Variants in GJB7 observed in about 807,000 individuals in gnomAD.
The protein encoded by GJB7 is gap junction beta-7 protein.
For missense variants in GJB7, 253 were observed against 256.8 expected, an observed-to-expected ratio of 0.99 and a Z score of 0.10; for synonymous variants, 87 against 95.2, an observed-to-expected ratio of 0.91 and a Z score of 0.50.
chr6:87,292,905 A>G (rs905449366), intron 2 of GJB7, among the ~76,000 whole-genome samples: 1 of 152,280 alleles, frequency 6.6e-6, no homozygotes, highest in African/African-American at 2.4e-5. Flanking sequence ...GTCCACATCC[A>G]CAAACCATGT....
intron 2 of GJB7, among the ~76,000 whole-genome samples, chr6:87,316,571 G>A (rs1776587522): frequency 6.6e-6 from 1 of 152,190 alleles, no homozygotes; most frequent in African/African-American, 2.4e-5. Context: ...TAGAAAGGAG[G>A]ACAACAGCTT....
chr6:87,304,281 C>G (rs1486627113), intron 2 of GJB7, among the ~76,000 whole-genome samples: 4 of 151,920 alleles, frequency 2.6e-5, no homozygotes, highest in Non-Finnish European at 4.4e-5. Context: ...AGACCGCTAG[C>G]AAGATTAACA....
chr6:87,315,835 G>C (rs1776571970), intron 2 of GJB7, among the ~76,000 whole-genome samples: 1 of 147,104 alleles, frequency 6.8e-6, no homozygotes, highest in African/African-American at 2.5e-5. Context: ...GAAAGAAACA[G>C]AATGGAGACA....
At chr6:87,311,150 A>G (rs1776508845) in intron 2 of GJB7, among the ~76,000 whole-genome samples, 1 of 152,226 alleles carries the variant, frequency 6.6e-6, no homozygotes, top group South Asian at 2.1e-4. Context: ...AAAGACTGAC[A>G]CTATTAAGTA....
rs1034191504 is a variant in GJB7, at chr6:87,314,815, G to A, written c.-28+8051C>T. On this transcript the variant is annotated intron_variant, in intron 2 of 2. Coordinates refer to ENST00000525899, the MANE Select transcript of GJB7 (RefSeq NM_198568.3). ...AATCCAGCTGTAAGCAAAACTTAAC[G>A]CATTTAGGAATGGAGCTTGCATGGA... 6.6e-5 allele frequency among the ~76,000 whole-genome samples: 10 copies of A among 152,294 alleles called. No homozygotes were observed. The East Asian group carries it at 1.2e-3, about 18-fold the overall frequency.
At chr6:87,297,083 C>T (rs1776256943) in intron 2 of GJB7, among the ~76,000 whole-genome samples, 1 of 152,214 alleles carries the variant, frequency 6.6e-6, no homozygotes, top group African/African-American at 2.4e-5. Context: ...TCTCTTTCTA[C>T]TGTAATTTTT....
chr6:87,301,416 G>A (rs151151126), intron 2 of GJB7, among the ~76,000 whole-genome samples: 21 of 152,270 alleles, frequency 1.4e-4, no homozygotes, highest in South Asian at 1.2e-3. Context: ...CCACACCCAC[G>A]GAGCCTCACT....
chr6:87,328,776 C>T (rs1468106072), intron 1 of GJB7, among the ~76,000 whole-genome samples: 1 of 152,188 alleles, frequency 6.6e-6, no homozygotes, highest in Non-Finnish European at 1.5e-5. Context: ...GTGGTGGGCT[C>T]CACCCAGTTC....
At chr6:87,290,034 T>A (rs982411141) in intron 2 of GJB7, among the ~76,000 whole-genome samples, 4 of 152,194 alleles carry the variant, frequency 2.6e-5, no homozygotes, top group African/African-American at 9.7e-5. Flanking sequence ...TTTCACCTCT[T>A]AGTAACAAAA....
intron 2 of GJB7, among the ~76,000 whole-genome samples, chr6:87,305,897 G>C (rs9688598): frequency 7.2e-4 from 109 of 152,248 alleles, no homozygotes; most frequent in African/African-American, 2.6e-3. Flanking sequence ...TCTGATCTTT[G>C]ACAAATCTGA....
In GJB7 at chr6:87,287,896, C is replaced by T. The variant is rs551886960; in HGVS notation, c.-27-2957G>A. On this transcript the variant is annotated intron_variant, in intron 2 of 2. Coordinates refer to ENST00000525899, the MANE Select transcript of GJB7 (RefSeq NM_198568.3). ...GACTTTTATTTTATAAATGTCCATC[C>T]TATTTTTTTAAAAAAATTTTTTTTC... Among the ~76,000 whole-genome samples, 15 of 152,196 alleles carry T rather than the reference C, an allele frequency of 9.9e-5. No homozygotes were observed. In the East Asian group the frequency reaches 2.7e-3, roughly 27 times the overall value.
At chr6:87,321,470 A>G (rs1005037797) in intron 2 of GJB7, among the ~76,000 whole-genome samples, 1 of 152,048 alleles carries the variant, frequency 6.6e-6, no homozygotes, top group Admixed American at 6.6e-5. Flanking sequence ...TTTTAATGTT[A>G]ATGCTGGTCA....
intron 2 of GJB7, among the ~76,000 whole-genome samples, chr6:87,309,491 A>T (rs1030872064): frequency 6.6e-6 from 1 of 152,146 alleles, no homozygotes; most frequent in Non-Finnish European, 1.5e-5. Flanking sequence ...GCACAGTCCA[A>T]TTCTCTGAAA....
intron 2 of GJB7, among the ~76,000 whole-genome samples, chr6:87,305,824 C>T (rs1776417702): frequency 6.6e-6 from 1 of 152,186 alleles, no homozygotes; most frequent in African/African-American, 2.4e-5. Flanking sequence ...GGTACCAAAA[C>T]AGAGATATAG....
intron 2 of GJB7, chr6:87,322,154 T>G (rs1776676447): frequency 1.3e-5 from 2 of 152,222 alleles, no homozygotes; most frequent in African/African-American, 2.4e-5. Context: ...CATCTTGGAC[T>G]CTCAAGGCCC....
At chr6:87,286,593 G>A (rs968455034) in intron 2 of GJB7, among the ~76,000 whole-genome samples, 6 of 152,184 alleles carry the variant, frequency 3.9e-5, no homozygotes, top group Non-Finnish European at 5.9e-5. Flanking sequence ...AGAATCTGAA[G>A]AGCCTTCTTT....
intron 2 of GJB7, among the ~76,000 whole-genome samples, chr6:87,289,349 A>C (rs1485286289): frequency 6.6e-6 from 1 of 152,226 alleles, no homozygotes; most frequent in Non-Finnish European, 1.5e-5. Flanking sequence ...TACAGACCAC[A>C]TGTTCTTTAA....
At chr6:87,307,687 C>G (rs1239519913) in intron 2 of GJB7, among the ~76,000 whole-genome samples, 1 of 152,190 alleles carries the variant, frequency 6.6e-6, no homozygotes, top group East Asian at 1.9e-4. Context: ...TACCATCTCA[C>G]ACCAGTTAGA....
rs1238749811 is a variant in GJB7, at chr6:87,326,935, A to G, written c.-206+2203T>C. 1.8e-4 allele frequency among the ~76,000 whole-genome samples: 19 copies of G among 107,784 alleles called. 1 individual carries two copies. The highest frequency in any genetic ancestry group is 6.5e-4 in the African/African-American group (16 of 24,726). 70.7% of individuals were successfully genotyped at this position (107,784 alleles called of 152,430 possible). A position where few individuals can be genotyped will look rare whatever the true frequency, so the allele number is the denominator to read the frequency against. On this transcript the variant is annotated intron_variant, in intron 1 of 2. Coordinates refer to ENST00000525899, the MANE Select transcript of GJB7 (RefSeq NM_198568.3). ...TTGTAGGTCACTCAGGACTTGCTTT[A>G]TGAATCTGGGTGCTCCTGTATTGGG... is the stretch of plus-strand genomic sequence containing the variant.
Sources: gnomAD v4.1 joint callset for allele counts (sites outside exome capture counted in the v4.1 genomes callset) on GRCh38, gnomAD v4.1.1 for gene constraint, MANE v1.5 for transcripts, NCBI Gene and HGNC (gene_info 2026-07-23, HGNC 2026-07-21) for gene names.